Variants in CCND3 observed in about 807,000 individuals in gnomAD.
CCND3 encodes the protein G1/S-specific cyclin-D3.
Under a neutral mutation model 28.7 loss-of-function variants are expected in CCND3, and 9 were observed. The ratio of observed to expected loss-of-function variants is 0.31; its 90% confidence interval spans 0.19 to 0.55. The LOEUF (loss-of-function observed/expected upper bound fraction) is 0.55. CCND3 is among the 20% of genes least tolerant of loss of function. The pLI is 0.93. For synonymous variants in CCND3, 164 were observed against 163.9 expected (o/e 1.00, Z 0.00); for missense variants, 315 against 385.8 (o/e 0.82, Z 1.54).
rs779766268 is a variant in CCND3 at position 42,048,662 on chromosome 6, C to CT, written c.-208dup. 7.7e-5 allele frequency: 40 copies of CT among 518,442 alleles called. No individual in the cohort carries two copies. The highest frequency in any genetic ancestry group is 2.7e-4 in the Admixed American group (14 of 51,512). 32.1% of individuals were successfully genotyped at this position (518,442 alleles called of 1,614,324 possible). On this transcript the variant is annotated 5_prime_UTR_variant, in exon 1 of 5. Transcript: ENST00000372988. This position sits in a 1 kb window ranked among gnomAD's most constrained non-coding sequence, Gnocchi z 4.7. ...CGGCCGGCATCCGAACAGAGCCAGT[C>CT]TCCACCCCTGCAGTGGCGAAGTGTT...
intron 1 of CCND3, among the ~76,000 whole-genome samples, chr6:42,020,714 G>A (rs891153719): frequency 6.6e-6 from 1 of 152,186 alleles, no homozygotes; most frequent in Non-Finnish European, 1.5e-5. Flanking sequence ...TGCACTCCAA[G>A]ACTTCATGAG....
intron 1 of CCND3, among the ~76,000 whole-genome samples, chr6:41,998,928 C>T (rs1294043697): frequency 6.6e-6 from 1 of 152,162 alleles, no homozygotes; most frequent in Non-Finnish European, 1.5e-5. Context: ...ATCCGCCCGC[C>T]TCGGCCTCCC....
At chr6:42,032,223 C>A (rs1383264931) in intron 1 of CCND3, among the ~76,000 whole-genome samples, 1 of 152,182 alleles carries the variant, frequency 6.6e-6, no homozygotes, top group East Asian at 1.9e-4. Flanking sequence ...GTAGCTAGGA[C>A]TGCAGACACA....
intron 1 of CCND3, among the ~76,000 whole-genome samples, chr6:41,982,273 CAAAA>C (rs57911007): frequency 1.0e-4 from 14 of 135,082 alleles, no homozygotes; most frequent in Non-Finnish European, 8.0e-5. Context: ...GACTCCATCT[CAAAA>C]AAAAAAAAAA....
intron 1 of CCND3, chr6:41,940,885 G>GC: frequency 1.4e-6 from 2 of 1,434,802 alleles, no homozygotes; most frequent in Non-Finnish European, 2.0e-6. Context: ...GAAGTGGGAC[G>GC]CAAGGGTCAC....
At chr6:42,010,047 G>A (rs184761657) in intron 1 of CCND3, among the ~76,000 whole-genome samples, 4 of 152,280 alleles carry the variant, frequency 2.6e-5, no homozygotes, top group Non-Finnish European at 1.5e-5. Flanking sequence ...GGATTTGGGT[G>A]TGATTTCTTC....
At position 42,048,931 on chromosome 6, in the gene CCND3, G is replaced by A. The variant is rs530513170; in HGVS notation, c.-476C>T. On this transcript the variant is annotated 5_prime_UTR_variant, in exon 1 of 5. Coordinates refer to the CCND3 transcript ENST00000372988. This position sits in a 1 kb window ranked among gnomAD's most constrained non-coding sequence, Gnocchi z 4.7. ...GCGCCACGGAGGCTCAGGTGTGGGC[G>A]GCGGGGCCGGGGCAGCACGGGTTCC... 11 of 233,998 alleles carry A rather than the reference G, an allele frequency of 4.7e-5. No homozygotes were observed. The highest frequency in any genetic ancestry group is 3.2e-4 in the Admixed American group (5 of 15,618). The allele number at this position is 233,998 out of a possible 1,614,324, so 14.5% of individuals were successfully genotyped here.
chr6:42,010,534 G>A lies in CCND3; in HGVS notation c.-46+37967C>T, dbSNP rs189093466. On this transcript the variant is annotated intron_variant, in intron 1 of 4. Coordinates refer to the CCND3 transcript ENST00000372988. ...AGGCCCAAGGAAAGACACCAAGCCC[G>A]ACAGTAAATGAAGCACGGCCCCACC... is the stretch of plus-strand genomic sequence containing the variant. 2.9e-3 allele frequency among the ~76,000 whole-genome samples: 439 copies of A among 152,262 alleles called. 2 individuals carry two copies. Among genetic ancestry groups the A allele is most frequent in the African/African-American group, 0.01 (419 of 41,556 alleles).
intron 3 of CCND3, 122 bp downstream of exon 3, chr6:41,937,113 C>T: frequency 1.9e-6 from 2 of 1,075,538 alleles, no homozygotes; most frequent in Non-Finnish European, 2.8e-6. Context: ...ACTGGGGGCT[C>T]AGAGGGGGTA....
intron 1 of CCND3, among the ~76,000 whole-genome samples, chr6:41,984,451 A>G (rs1409036813): frequency 6.6e-6 from 1 of 152,066 alleles, no homozygotes; most frequent in Non-Finnish European, 1.5e-5. Context: ...GGTTCAAGTG[A>G]TTCTCCTCTC....
chr6:41,965,316 C>T (rs1203240415), intron 1 of CCND3, among the ~76,000 whole-genome samples: 1 of 152,110 alleles, frequency 6.6e-6, no homozygotes, highest in Non-Finnish European at 1.5e-5. Context: ...GATCCGCCTG[C>T]CCCGGCCTCC....
At chr6:42,007,992 G>A (rs1054484167) in intron 1 of CCND3, among the ~76,000 whole-genome samples, 1 of 152,092 alleles carries the variant, frequency 6.6e-6, no homozygotes, top group African/African-American at 2.4e-5. Flanking sequence ...TGGCGGGGGA[G>A]CTGGGGGCTG....
At chr6:41,959,300 G>A (rs1198528204) in intron 1 of CCND3, among the ~76,000 whole-genome samples, 1 of 151,320 alleles carries the variant, frequency 6.6e-6, no homozygotes, top group East Asian at 2.0e-4. Context: ...GGCAACAAGA[G>A]CAAAACTCCA....
intron 1 of CCND3, among the ~76,000 whole-genome samples, chr6:42,041,069 A>G (rs1050797489): frequency 6.6e-6 from 1 of 152,218 alleles, no homozygotes; most frequent in Admixed American, 6.5e-5. Context: ...CTTGAGTGCC[A>G]TGTGTCTGGG....
chr6:41,984,471 T>C (rs532958493), intron 1 of CCND3, among the ~76,000 whole-genome samples: 8 of 152,212 alleles, frequency 5.3e-5, no homozygotes, highest in Admixed American at 4.6e-4. Flanking sequence ...CTCAGCCTCC[T>C]GAGTAGCTGG....
intron 1 of CCND3, among the ~76,000 whole-genome samples, chr6:42,037,073 G>A (rs1028526206): frequency 6.6e-6 from 1 of 151,858 alleles, no homozygotes; most frequent in Non-Finnish European, 1.5e-5. Context: ...CGAGTAGCTG[G>A]GACTAAAGGT....
intron 1 of CCND3, among the ~76,000 whole-genome samples, chr6:42,015,993 C>T (rs1763497023): frequency 6.6e-6 from 1 of 151,750 alleles, no homozygotes; most frequent in Non-Finnish European, 1.5e-5. Context: ...GGCTGGAGTG[C>T]AGTGGCGTGA....
rs186092520 is a variant in CCND3 at position 42,006,782 on chromosome 6, C to A, written c.-46+41719G>T. 3.8e-3 allele frequency among the ~76,000 whole-genome samples: 579 copies of A among 152,016 alleles called. 2 individuals carry two copies. The highest frequency in any genetic ancestry group is 0.013 in the African/African-American group (531 of 41,450). On this transcript the variant is annotated intron_variant, in intron 1 of 4. Coordinates refer to the CCND3 transcript ENST00000372988. ...AATTAGCTGGGCGTGGTGGCGGGCG[C>A]CTGTAGTCCCAGCTACTCGGGAGGC...
At chr6:41,971,259 T>C (rs1003307651) in intron 1 of CCND3, among the ~76,000 whole-genome samples, 5 of 152,200 alleles carry the variant, frequency 3.3e-5, no homozygotes, top group African/African-American at 1.2e-4. Flanking sequence ...ATTCTCACAG[T>C]GGCTCTAGAT....
Sources: gnomAD v4.1 joint callset for allele counts (sites outside exome capture counted in the v4.1 genomes callset) on GRCh38, gnomAD v4.1.1 for gene constraint, Gnocchi (gnomAD v3.1) non-coding constraint, MANE v1.5 for transcripts, NCBI Gene and HGNC (gene_info 2026-07-23, HGNC 2026-07-21) for gene names.